ANKHD1: variants seen among roughly 807,000 people sequenced by gnomAD.
ANKHD1 encodes the protein ankyrin repeat and KH domain containing 1, also known as ankyrin repeat and KH domain-containing protein 1.
Under a neutral mutation model 230.5 loss-of-function variants are expected in ANKHD1, and 31 were observed. The observed-to-expected ratio is 0.13, with a 90% CI of 0.10 to 0.18. ANKHD1 has a LOEUF of 0.18. Ranked by LOEUF, ANKHD1 falls within the 10% of genes least tolerant of loss-of-function variation. ANKHD1 has a pLI of 1.00. For synonymous variants in ANKHD1, 1,074 were observed against 1,117.6 expected (o/e 0.96, Z 0.78); for missense variants, 2,256 against 3,071.3 (o/e 0.73, Z 6.27).
chr5:140,430,407 A>G (rs1772941942), intron 1 of ANKHD1, among the ~76,000 whole-genome samples: 1 of 152,218 alleles, frequency 6.6e-6, no homozygotes, highest in Non-Finnish European at 1.5e-5. Context: ...GCTATGTAAC[A>G]GTATCATCAG....
Position 140,402,204 on chromosome 5 carries a change from G to T in ANKHD1, c.237G>T (p.Leu79Phe). Residue 79 changes from leucine (L) to phenylalanine (F), a missense_variant, in exon 1 of 34, where the codon TTG (leucine) becomes TTT (phenylalanine). By Grantham distance (22) the Leu-to-Phe change is conservative. Coordinates refer to ENST00000360839, the MANE Select transcript of ANKHD1 (RefSeq NM_017747.3). ...GGGACGCGGCGCTGGATTTCAAGTT[G>T]GCGGCTGCCGTGCTGAGGACCGGGG... ...GGGDAALDFK[L>F]AAAVLRTGGG... 1 of 1,524,270 alleles carries T rather than the reference G, an allele frequency of 6.6e-7. No individual in the cohort carries two copies. Among genetic ancestry groups the T allele is most frequent in the Admixed American group, 2.1e-5 (1 of 47,862 alleles). 94.4% of individuals were successfully genotyped at this position (1,524,270 alleles called of 1,614,324 possible). A position where few individuals can be genotyped will look rare whatever the true frequency, so the allele number is the denominator to read the frequency against.
intron 13 of ANKHD1, chr5:140,486,439 G>A (rs1487720810): frequency 6.6e-6 from 1 of 152,410 alleles, no homozygotes; most frequent in Non-Finnish European, 1.5e-5. Flanking sequence ...AACCATGAAA[G>A]TATAGGTAAC....
At chr5:140,520,419 C>T (rs1753274120) in intron 24 of ANKHD1, among the ~76,000 whole-genome samples, 1 of 152,106 alleles carries the variant, frequency 6.6e-6, no homozygotes, top group South Asian at 2.1e-4. Context: ...CCCAGCCATC[C>T]TATTACTGGG....
intron 1 of ANKHD1, among the ~76,000 whole-genome samples, chr5:140,422,948 T>G (rs1347502776): frequency 1.3e-5 from 2 of 151,664 alleles, no homozygotes; most frequent in Non-Finnish European, 2.9e-5. Context: ...CGATCATGGC[T>G]CACTGCAAAC....
At chr5:140,493,402 C>T (rs1184230631) in intron 14 of ANKHD1, among the ~76,000 whole-genome samples, 3 of 152,178 alleles carry the variant, frequency 2.0e-5, no homozygotes, top group Non-Finnish European at 4.4e-5. Flanking sequence ...ATATCATTCA[C>T]TGATACCAGT....
At chr5:140,449,391 G>A (rs1259643897) in intron 7 of ANKHD1, 86 bp downstream of exon 7, 1 of 1,467,850 alleles carries the variant, frequency 6.8e-7, no homozygotes, top group Non-Finnish European at 9.2e-7. Context: ...AATTGCCAGT[G>A]CGGTGGCTCA....
At chr5:140,516,529 C>G (rs1753020176) in intron 24 of ANKHD1, among the ~76,000 whole-genome samples, 1 of 152,116 alleles carries the variant, frequency 6.6e-6, no homozygotes, top group African/African-American at 2.4e-5. Flanking sequence ...ATGTTAAGGG[C>G]AGCCAGCGAG....
intron 5 of ANKHD1, 90 bp from the exon 6 acceptor site, chr5:140,445,652 A>G: frequency 8.4e-7 from 1 of 1,185,518 alleles, no homozygotes; most frequent in Non-Finnish European, 1.1e-6. Context: ...TTCTGTCATG[A>G]TTGTATATTT....
chr5:140,404,905 TAGAG>T (rs1268565185), intron 1 of ANKHD1, among the ~76,000 whole-genome samples: 1 of 151,702 alleles, frequency 6.6e-6, no homozygotes, highest in African/African-American at 2.4e-5. Flanking sequence ...TCTTCACAGG[TAGAG>T]CACTAGTTTG....
rs142489318 is a variant in ANKHD1 at position 140,429,383 on chromosome 5, C to T, written c.307-6721C>T. ...CTGGGATTACAGGTGTGAGCCACTG[C>T]GCCCAGCCTGGCCTAGAATATTCTT... On this transcript the variant is annotated intron_variant, in intron 1 of 33. Transcript: ENST00000360839. Among the ~76,000 whole-genome samples the T allele has an allele frequency of 4.1e-3, 626 of 152,238 alleles. 6 individuals carry two copies. Among genetic ancestry groups the T allele is most frequent in the African/African-American group, 0.014 (565 of 41,536 alleles).
At chr5:140,462,385 GA>G (rs1463766328) in intron 9 of ANKHD1, among the ~76,000 whole-genome samples, 1 of 151,938 alleles carries the variant, frequency 6.6e-6, no homozygotes, top group African/African-American at 2.4e-5. Context: ...TCTATAAAGA[GA>G]AACTTTCCCT....
At chr5:140,539,208 A>C in intron 33 of ANKHD1, 125 bp downstream of exon 33, 1 of 1,514,454 alleles carries the variant, frequency 6.6e-7, no homozygotes, top group Non-Finnish European at 8.8e-7. Context: ...TTGCTTTTTC[A>C]ATATCAAGAT....
Position 140,538,970 on chromosome 5 carries a change from C to T in ANKHD1, c.7456C>T (p.Leu2486Phe), listed in dbSNP as rs746682182. 1.6e-5 allele frequency: 25 copies of T among 1,610,710 alleles called. No individual in the cohort carries two copies. Among genetic ancestry groups the T allele is most frequent in the African/African-American group, 1.2e-4 (9 of 74,940 alleles). The change falls in exon 33 of 34, where the codon CTT becomes TTT. Residue 2486 changes from leucine to phenylalanine, a missense_variant. Around this residue, in one of 13 missense-constraint regions of ANKHD1, gnomAD observed 778 missense variants for 966.5 expected, o/e 0.80. Transcript: ENST00000360839. ...GGTIIPSHPQ[L>F]ADVPGGPLFN... ...CACCATAATACCCTCTCATCCTCAG[C>T]TTGCTGATGTTCCAGGAGGCCCTCT...
intron 7 of ANKHD1, among the ~76,000 whole-genome samples, chr5:140,457,035 T>G (rs947137679): frequency 1.3e-5 from 2 of 151,958 alleles, no homozygotes; most frequent in African/African-American, 4.8e-5. Flanking sequence ...CATCAAAAAG[T>G]GGACAAAGGA....
At chr5:140,536,978 G>A (rs190931525) in intron 30 of ANKHD1, 3 of 153,130 alleles carry the variant, frequency 2.0e-5, no homozygotes, top group African/African-American at 2.5e-5. Context: ...CCAAGATCAC[G>A]CCATTGTACT....
intron 29 of ANKHD1, 56 bp from the exon 30 acceptor site, chr5:140,535,306 G>T: frequency 5.3e-6 from 8 of 1,496,816 alleles, no homozygotes; most frequent in Middle Eastern, 1.8e-4. Flanking sequence ...AGTCTTCTTG[G>T]GCTTTCAATT....
chr5:140,419,774 TTTTC>T (rs199550424), intron 1 of ANKHD1, among the ~76,000 whole-genome samples: 12,209 of 86,194 alleles, frequency 0.14, 618 homozygotes, highest in African/African-American at 0.15. Flanking sequence ...TTTCCTTTCT[TTTTC>T]TTTCTTTCTT....
intron 1 of ANKHD1, among the ~76,000 whole-genome samples, chr5:140,424,534 A>G (rs1015968670): frequency 1.3e-5 from 2 of 152,214 alleles, no homozygotes; most frequent in African/African-American, 2.4e-5. Context: ...TATAAAAAGC[A>G]AATAGAATAC....
chr5:140,530,955 T>A (rs540670447), intron 29 of ANKHD1, among the ~76,000 whole-genome samples: 1 of 152,262 alleles, frequency 6.6e-6, no homozygotes, highest in African/African-American at 2.4e-5. Context: ...CAGGAAAACA[T>A]AGCTGTTATA....
Sources: allele counts gnomAD v4.1 joint callset (sites outside exome capture counted in the v4.1 genomes callset), GRCh38; gene constraint gnomAD v4.1.1; regional missense constraint gnomAD v4.1.1; transcripts MANE v1.5; gene names NCBI Gene and HGNC (gene_info 2026-07-23, HGNC 2026-07-21).